The following MTHFD1 variants were observed in gnomAD, a reference collection of about 807,000 sequenced individuals.
MTHFD1 encodes the protein methylenetetrahydrofolate dehydrogenase, cyclohydrolase and formyltetrahydrofolate synthetase 1.
MTHFD1 carries 44 observed loss-of-function variants against 110.3 expected under a neutral mutation model. The observed-to-expected ratio is 0.40, with a 90% confidence interval of 0.31 to 0.51. The LOEUF is 0.51. Among genes scored for constraint, MTHFD1 ranks in the 20% least tolerant of loss-of-function variants. The pLI, the probability that MTHFD1 is intolerant of heterozygous loss-of-function variation, is 0.60. For synonymous variants in MTHFD1, 402 were observed against 428.8 expected (o/e 0.94, Z 0.77); for missense variants, 909 against 1,173.1 (o/e 0.77, Z 3.29).
chr14:64,419,862 G>A lies in MTHFD1; in HGVS notation c.664G>A (p.Val222Ile). The A allele has an allele frequency of 2.5e-6, 4 of 1,614,150 alleles. No homozygotes were observed. Among genetic ancestry groups the A allele is most frequent in the Non-Finnish European group, 3.4e-6 (4 of 1,180,010 alleles). ...GGTTGCAACTGGTCAGCCTGAAATG[G>A]TTAAAGGGGAGTGGATCAAACCTGG... ...LVVATGQPEM[V>I]KGEWIKPGAI... Residue 222 changes from valine to isoleucine, a missense_variant, in exon 8 of 28, where the codon GTT becomes ATT. Coordinates refer to ENST00000652337, the MANE Select transcript of MTHFD1 (RefSeq NM_005956.4).
At position 64,419,839 on chromosome 14, in the gene MTHFD1, T is replaced by C. The variant is rs1479824373; in HGVS notation, c.641T>C (p.Val214Ala). The change falls in exon 8 of 28, where the codon GTT (valine) becomes GCT (alanine). Residue 214 changes from valine (V) to alanine (A), a missense_variant. By Grantham distance (64) the Val-to-Ala change is moderately conservative (BLOSUM62 0). Coordinates refer to ENST00000652337, the MANE Select transcript of MTHFD1 (RefSeq NM_005956.4). ...GTAAATAAAGGTGACATCCTGGTGG[T>C]TGCAACTGGTCAGCCTGAAATGGTT... The part of the protein sequence containing the change: ...EEVNKGDILV[V>A]ATGQPEMVKG... The C allele has an allele frequency of 6.2e-7, 1 of 1,613,764 alleles. No individual in the cohort carries two copies. The highest frequency in any genetic ancestry group is 1.3e-5 in the African/African-American group (1 of 74,908).
chr14:64,427,557 T>TA, intron 12 of MTHFD1, 84 bp downstream of exon 12: 1 of 1,350,150 alleles, frequency 7.4e-7, no homozygotes, highest in Admixed American at 1.7e-5. Flanking sequence ...CTATGATACT[T>TA]ATGGGGTCTT....
At position 64,419,804 on chromosome 14, in the gene MTHFD1, C is replaced by T; in HGVS notation, c.616-10C>T. The T allele has an allele frequency of 6.3e-7, 1 of 1,589,778 alleles. No homozygotes were observed. ...ATTTCATTTCTGATGTCCAAATCCC[C>T]TACCCCTAGGTAAATAAAGGTGACA... On this transcript the variant is annotated splice_polypyrimidine_tract_variant and intron_variant, in intron 7 of 27. Transcript: ENST00000652337.
chr14:64,429,721 C>A (rs1423530595), intron 12 of MTHFD1, among the ~76,000 whole-genome samples: 2 of 152,106 alleles, frequency 1.3e-5, no homozygotes, highest in African/African-American at 2.4e-5. Flanking sequence ...GGATACTCAA[C>A]CTGTAATCCA....
At chr14:64,390,901 G>A (rs750045837) in intron 1 of MTHFD1, among the ~76,000 whole-genome samples, 3 of 151,676 alleles carry the variant, frequency 2.0e-5, no homozygotes, top group Non-Finnish European at 4.4e-5. Context: ...CACCCACCTC[G>A]GCCTCCCAAA....
chr14:64,400,319 T>C (rs1255223194), intron 1 of MTHFD1, among the ~76,000 whole-genome samples: 8 of 149,804 alleles, frequency 5.3e-5, no homozygotes, highest in Admixed American at 4.7e-4. Flanking sequence ...ACCTGGGAGG[T>C]GGAGGTTGTG....
At position 64,411,095 on chromosome 14, in the gene MTHFD1, C is replaced by T. The variant is rs771627697; in HGVS notation, c.132C>T (p.Gly44=). 6 of 1,609,906 alleles carry T rather than the reference C, an allele frequency of 3.7e-6. No homozygotes were observed. Among genetic ancestry groups the T allele is most frequent in the Non-Finnish European group, 5.1e-6 (6 of 1,176,542 alleles). ...FTPRLAILQV[G]NRDDSNLYIN... Reference sequence around the variant, plus strand: ...GCATGCATTTATTATTCTAGGTTGGCAACAGAGATGATTCCAATCTTTATA... The same window carrying T: ...GCATGCATTTATTATTCTAGGTTGGTAACAGAGATGATTCCAATCTTTATA... Residue 44 remains glycine (G), a synonymous_variant, in exon 3 of 28, where the codon GGC becomes GGT. Coordinates refer to ENST00000652337, the MANE Select transcript of MTHFD1 (RefSeq NM_005956.4).
At chr14:64,428,637 T>A (rs1000965860) in intron 12 of MTHFD1, among the ~76,000 whole-genome samples, 1 of 149,174 alleles carries the variant, frequency 6.7e-6, no homozygotes, top group African/African-American at 2.5e-5. Flanking sequence ...CACTGCAACC[T>A]CCGCCTCCTG....
rs555007578 is a variant in MTHFD1, at chr14:64,458,880, C to T, written c.*4+573C>T. Among the ~76,000 whole-genome samples, 148 of 152,270 alleles carry T rather than the reference C, an allele frequency of 9.7e-4. 1 individual carries two copies. The highest frequency in any genetic ancestry group is 1.8e-3 in the Non-Finnish European group (120 of 68,034). ...CAGGACGTGTCTCTCCTTAGGCAGA[C>T]CCTTGGGGCTGAAGCAGCAAGTTGC... On this transcript the variant is annotated intron_variant, in intron 27 of 27. Transcript: ENST00000652337.
chr14:64,441,369 C>T lies in MTHFD1; in HGVS notation c.1816-16C>T, dbSNP rs2078245480. 1 of 1,613,508 alleles carries T rather than the reference C, an allele frequency of 6.2e-7. No individual in the cohort carries two copies. Among genetic ancestry groups the T allele is most frequent in the Non-Finnish European group, 8.5e-7 (1 of 1,179,516 alleles). On this transcript the variant is annotated splice_polypyrimidine_tract_variant and intron_variant, in intron 18 of 27. Transcript: ENST00000652337. ...TTTGCTGGTGGGAGTTGATGCTGCA[C>T]ACATTTGTTTTGTAGGGGGTGAGTG...
intron 7 of MTHFD1, among the ~76,000 whole-genome samples, chr14:64,418,969 G>A (rs1013416086): frequency 2.6e-5 from 4 of 151,906 alleles, no homozygotes; most frequent in African/African-American, 9.7e-5. Context: ...TGATCCTCCT[G>A]CATCAACCTT....
intron 2 of MTHFD1, among the ~76,000 whole-genome samples, chr14:64,403,936 G>A (rs2077918987): frequency 6.6e-6 from 1 of 152,170 alleles, no homozygotes; most frequent in South Asian, 2.1e-4. Flanking sequence ...GGGAGTGTGT[G>A]GTAGTGAAGG....
intron 25 of MTHFD1, 141 bp downstream of exon 25, chr14:64,454,002 T>C: frequency 2.9e-6 from 2 of 697,928 alleles, no homozygotes; most frequent in South Asian, 3.0e-5. Context: ...AAATACTGAG[T>C]TTGGATTAGG....
At chr14:64,396,558 A>ATTTTTTTTTTT (rs71123843) in intron 1 of MTHFD1, among the ~76,000 whole-genome samples, 1 of 126,792 alleles carries the variant, frequency 7.9e-6, no homozygotes, top group African/African-American at 2.9e-5. Flanking sequence ...CTCCCAGTTA[A>ATTTTTTTTTTT]TTTTTTTTTT....
intron 23 of MTHFD1, among the ~76,000 whole-genome samples, chr14:64,448,919 C>T (rs2078324915): frequency 6.6e-6 from 1 of 151,980 alleles, no homozygotes; most frequent in South Asian, 2.1e-4. Flanking sequence ...CCTGCCTCAG[C>T]CTCCCTAGTA....
At chr14:64,429,407 T>C (rs1320285664) in intron 12 of MTHFD1, among the ~76,000 whole-genome samples, 1 of 151,822 alleles carries the variant, frequency 6.6e-6, no homozygotes, top group Non-Finnish European at 1.5e-5. Flanking sequence ...CATAACTCAC[T>C]GCAGCCTTGA....
chr14:64,411,794 G>A (rs1246782388), intron 3 of MTHFD1, among the ~76,000 whole-genome samples: 7 of 152,032 alleles, frequency 4.6e-5, no homozygotes, highest in Admixed American at 2.6e-4. Flanking sequence ...CCAGCTACTC[G>A]GGAGGCTGAG....
chr14:64,439,018 C>T (rs2078227673), intron 16 of MTHFD1, 78 bp from the exon 17 acceptor site: 1 of 1,014,868 alleles, frequency 9.9e-7, no homozygotes, highest in Admixed American at 1.7e-5. Flanking sequence ...AGACTTATTG[C>T]TTTAAAACTC....
chr14:64,410,228 T>C (rs1329243278), intron 2 of MTHFD1, among the ~76,000 whole-genome samples: 1 of 152,160 alleles, frequency 6.6e-6, no homozygotes, highest in African/African-American at 2.4e-5. Context: ...CTCTCTTTTT[T>C]TTTTAAGAGA....
Sources: gnomAD v4.1 joint callset for allele counts (sites outside exome capture counted in the v4.1 genomes callset) on GRCh38, gnomAD v4.1.1 for gene constraint, MANE v1.5 for transcripts, NCBI Gene and HGNC (gene_info 2026-07-23, HGNC 2026-07-21) for gene names.